The following PKIB variants were observed in gnomAD, a reference collection of about 807,000 sequenced individuals.
PKIB encodes the protein cAMP-dependent protein kinase inhibitor beta.
In PKIB, 2 loss-of-function variants were observed where a neutral mutation model predicts 4.5. The ratio of observed to expected loss-of-function variants is 0.44; its 90% confidence interval spans 0.18 to 1.39. PKIB has a LOEUF of 1.39. PKIB is among the 40% of genes most tolerant of loss of function. The pLI is 0.27. For synonymous variants in PKIB, 38 were observed against 36.0 expected, an observed-to-expected ratio of 1.06 and a Z score of -0.20; for missense variants, 94 against 92.6, an observed-to-expected ratio of 1.02 and a Z score of -0.06.
chr6:122,628,949 G>T (rs1031297148), intron 1 of PKIB, among the ~76,000 whole-genome samples: 1 of 152,142 alleles, frequency 6.6e-6, no homozygotes. Context: ...ATTCCATGGG[G>T]AACTCAGCAG....
At chr6:122,620,119 C>T (rs192234985) in intron 1 of PKIB, among the ~76,000 whole-genome samples, 12 of 152,208 alleles carry the variant, frequency 7.9e-5, no homozygotes, top group African/African-American at 2.6e-4. Flanking sequence ...TACTCACTTC[C>T]GCTCCTTTGA....
chr6:122,478,978 C>T (rs1287721437), intron 2 of PKIB: 1 of 152,132 alleles, frequency 6.6e-6, no homozygotes, highest in Non-Finnish European at 1.5e-5. Context: ...CACAGTCCCT[C>T]ACGGCTTCCC....
intron 3 of PKIB, among the ~76,000 whole-genome samples, chr6:122,596,401 A>G (rs1267345308): frequency 6.6e-6 from 1 of 152,186 alleles, no homozygotes; most frequent in Non-Finnish European, 1.5e-5. Flanking sequence ...CCACTTCCTC[A>G]TGTAACTTAC....
intron 2 of PKIB, among the ~76,000 whole-genome samples, chr6:122,662,215 A>T (rs1021806618): frequency 1.3e-4 from 18 of 143,176 alleles, no homozygotes; most frequent in African/African-American, 4.4e-4. Flanking sequence ...CAATTTATCA[A>T]TTTTTTTTGT....
chr6:122,655,973 C>T (rs999199230), intron 2 of PKIB, among the ~76,000 whole-genome samples: 7 of 151,992 alleles, frequency 4.6e-5, no homozygotes, highest in African/African-American at 1.4e-4. Flanking sequence ...TTGAGCTCAA[C>T]GGTAACCATA....
At chr6:122,629,147 A>G (rs951940212) in intron 1 of PKIB, among the ~76,000 whole-genome samples, 3 of 152,222 alleles carry the variant, frequency 2.0e-5, no homozygotes, top group Non-Finnish European at 2.9e-5. Flanking sequence ...CAACTGCTTC[A>G]TAATACTCTC....
rs568625270 is a variant in PKIB, at chr6:122,636,208, A to G, written c.-76+2841A>G. Among the ~76,000 whole-genome samples, 6 of 152,216 alleles carry G rather than the reference A, an allele frequency of 3.9e-5. No homozygotes were observed. In the East Asian group the frequency reaches 7.7e-4, roughly 20 times the overall value. ...AATTAAAACTCATGTGGTTTGATCT[A>G]TGAGTCTTTAATCATAAATACCATG... On this transcript the variant is annotated intron_variant, in intron 2 of 4. Coordinates refer to ENST00000368452, the MANE Select transcript of PKIB (RefSeq NM_181795.3).
At chr6:122,666,817 T>C (rs1562292617) in intron 2 of PKIB, among the ~76,000 whole-genome samples, 1 of 152,220 alleles carries the variant, frequency 6.6e-6, no homozygotes, top group Non-Finnish European at 1.5e-5. Flanking sequence ...GTTGCTCCTG[T>C]GAATCGACTT....
intron 2 of PKIB, among the ~76,000 whole-genome samples, chr6:122,580,048 G>A (rs1003719864): frequency 6.6e-6 from 1 of 152,016 alleles, no homozygotes; most frequent in Admixed American, 6.6e-5. Flanking sequence ...AAAAAATTAT[G>A]TTCAGTGAAT....
At chr6:122,629,079 G>C (rs941943286) in intron 1 of PKIB, among the ~76,000 whole-genome samples, 1 of 152,096 alleles carries the variant, frequency 6.6e-6, no homozygotes, top group African/African-American at 2.4e-5. Context: ...AATCAGCTGG[G>C]GAAATGAATG....
At chr6:122,563,582 C>CG (rs1204567393) in intron 2 of PKIB, among the ~76,000 whole-genome samples, 1 of 151,896 alleles carries the variant, frequency 6.6e-6, no homozygotes, top group Non-Finnish European at 1.5e-5. Context: ...GAACATCAGG[C>CG]GGGGGCAGGA....
At chr6:122,523,830 C>T (rs557992664) in intron 2 of PKIB, among the ~76,000 whole-genome samples, 9 of 152,030 alleles carry the variant, frequency 5.9e-5, no homozygotes, top group South Asian at 2.1e-4. Context: ...TCTTTCCTGC[C>T]GCCATGTAAG....
chr6:122,596,619 T>C (rs999497984), intron 3 of PKIB, among the ~76,000 whole-genome samples: 10 of 152,152 alleles, frequency 6.6e-5, no homozygotes, highest in African/African-American at 2.4e-4. Flanking sequence ...AGCCCAGTAA[T>C]AGGCCAAGAG....
chr6:122,629,401 A>C (rs545046518), intron 1 of PKIB, among the ~76,000 whole-genome samples: 1 of 151,936 alleles, frequency 6.6e-6, no homozygotes, highest in East Asian at 1.9e-4. Flanking sequence ...ATCTATCATG[A>C]GTTCATATCA....
chr6:122,723,970 C>T (rs866643282), intron 4 of PKIB, among the ~76,000 whole-genome samples: 8 of 152,190 alleles, frequency 5.3e-5, no homozygotes, highest in African/African-American at 9.6e-5. Context: ...TTGCCTTGTA[C>T]GTAGTACATG....
chr6:122,486,076 C>T lies in PKIB; in HGVS notation c.-248+8137C>T, dbSNP rs141342567. On this transcript the variant is annotated intron_variant, in intron 2 of 6. Coordinates refer to the PKIB transcript ENST00000392491. ...ATACCCATGTAACCTCCACATTACC[C>T]CCCTGACTCTAAAATAAAAATAAAA... Among the ~76,000 whole-genome samples the T allele has an allele frequency of 4.9e-3, 753 of 152,210 alleles. 7 individuals are homozygous for T. Among genetic ancestry groups the T allele is most frequent in the African/African-American group, 0.017 (710 of 41,536 alleles).
At chr6:122,713,459 G>A (rs989952367) in intron 3 of PKIB, among the ~76,000 whole-genome samples, 2 of 152,008 alleles carry the variant, frequency 1.3e-5, no homozygotes, top group African/African-American at 2.4e-5. Context: ...CTTTCTGTGG[G>A]CTATATATTA....
rs144393246 is a variant in PKIB at position 122,586,916 on chromosome 6, C to A, written c.-161+909C>A. Among the ~76,000 whole-genome samples the A allele has an allele frequency of 4.1e-4, 63 of 152,238 alleles. 1 individual carries two copies. The East Asian group carries it at 0.011, about 27-fold the overall frequency. ...TATAACAAATTTCCCTCTGCCTCCA[C>A]CTGGGTGGGGTGGTAGGAGGGAGCG... On this transcript the variant is annotated intron_variant, in intron 3 of 6. Transcript: ENST00000392491.
intron 3 of PKIB, among the ~76,000 whole-genome samples, chr6:122,602,993 C>T (rs1224251946): frequency 2.1e-5 from 3 of 140,832 alleles, no homozygotes; most frequent in Non-Finnish European, 4.7e-5. Context: ...AGTACGTTTA[C>T]ATTTTAGGTT....
Sources: allele counts gnomAD v4.1 joint callset (sites outside exome capture counted in the v4.1 genomes callset), GRCh38; gene constraint gnomAD v4.1.1; transcripts MANE v1.5; gene names NCBI Gene and HGNC (gene_info 2026-07-23, HGNC 2026-07-21).